Variants in AUH observed in about 807,000 individuals in gnomAD.
AUH encodes AU RNA binding methylglutaconyl-CoA hydratase.
Under a neutral mutation model 42.3 loss-of-function variants are expected in AUH, and 29 were observed. That is an observed-to-expected ratio of 0.69 (90% CI 0.51 to 0.93). AUH has a LOEUF of 0.93. Among genes scored for constraint, AUH ranks in the 40% least tolerant of loss-of-function variants. The probability of loss-of-function intolerance (pLI) is 0.00; values close to 1 mark genes in which losing one functional copy is unlikely to be tolerated. For missense variants in AUH, 452 were observed against 438.1 expected (o/e 1.03, Z -0.28); for synonymous variants, 174 against 166.4 (o/e 1.05, Z -0.35).
chr9:91,306,338 T>G (rs1828218144), intron 4 of AUH: 2 of 984,616 alleles, frequency 2.0e-6, no homozygotes, highest in South Asian at 9.4e-5. Context: ...CTAGTAGAAC[T>G]GAGTGATGAC....
intron 3 of AUH, among the ~76,000 whole-genome samples, chr9:91,340,028 T>C (rs1830988713): frequency 6.6e-6 from 1 of 152,190 alleles, no homozygotes; most frequent in African/African-American, 2.4e-5. Context: ...CCCTAATGCT[T>C]AGGCTGAACA....
At chr9:91,238,328 G>C (rs954401921) in intron 6 of AUH, among the ~76,000 whole-genome samples, 20 of 152,334 alleles carry the variant, frequency 1.3e-4, no homozygotes, top group African/African-American at 4.6e-4. Context: ...GAAGGGAAAA[G>C]GGGGAATGGG....
chr9:91,296,933 C>A (rs1391561537), intron 5 of AUH, among the ~76,000 whole-genome samples: 1 of 152,214 alleles, frequency 6.6e-6, no homozygotes, highest in Admixed American at 6.5e-5. Context: ...TCAATCAATC[C>A]TTCTGCCTTG....
chr9:91,302,067 T>C (rs974497414), intron 4 of AUH, among the ~76,000 whole-genome samples: 4 of 152,162 alleles, frequency 2.6e-5, no homozygotes, highest in Admixed American at 6.6e-5. Context: ...ATGTCTGTCG[T>C]AGTAAATTTT....
At chr9:91,264,311 C>A (rs1264520275) in intron 6 of AUH, among the ~76,000 whole-genome samples, 1 of 152,170 alleles carries the variant, frequency 6.6e-6, no homozygotes, top group Non-Finnish European at 1.5e-5. Context: ...GCCTGACCTT[C>A]CCCTACAAAC....
At chr9:91,259,861 G>T (rs534102843) in intron 6 of AUH, among the ~76,000 whole-genome samples, 1 of 151,934 alleles carries the variant, frequency 6.6e-6, no homozygotes, top group Admixed American at 6.6e-5. Flanking sequence ...AATATTCCAC[G>T]TGCATTTTGA....
intron 6 of AUH, among the ~76,000 whole-genome samples, chr9:91,228,475 T>C (rs1191547836): frequency 2.0e-5 from 3 of 149,086 alleles, no homozygotes; most frequent in East Asian, 1.9e-4. Context: ...TAGCGGTCTA[T>C]CAATTTTGTT....
intron 8 of AUH, among the ~76,000 whole-genome samples, chr9:91,216,731 C>CAGTAAAAGT (rs1826841165): frequency 6.6e-6 from 1 of 152,154 alleles, no homozygotes; most frequent in African/African-American, 2.4e-5. Context: ...CATGAAAAGT[C>CAGTAAAAGT]CAATAAATGG....
chr9:91,281,859 C>A (rs1170991191), intron 6 of AUH, among the ~76,000 whole-genome samples: 1 of 152,140 alleles, frequency 6.6e-6, no homozygotes, highest in East Asian at 1.9e-4. Flanking sequence ...CAGCAACAGG[C>A]TCGTGGCAGG....
chr9:91,239,791 T>A (rs1828401904), intron 6 of AUH, among the ~76,000 whole-genome samples: 1 of 152,094 alleles, frequency 6.6e-6, no homozygotes, highest in African/African-American at 2.4e-5. Context: ...GAGGGCTATG[T>A]AAGGAGAAAA....
chr9:91,350,753 C>T (rs1831902342), intron 3 of AUH, among the ~76,000 whole-genome samples: 1 of 138,208 alleles, frequency 7.2e-6, no homozygotes. Context: ...AACATGATTT[C>T]ATCTCAAAAA....
At chr9:91,226,134 C>G (rs1218297685) in intron 6 of AUH, among the ~76,000 whole-genome samples, 1 of 149,872 alleles carries the variant, frequency 6.7e-6, no homozygotes, top group East Asian at 2.0e-4. Flanking sequence ...ACACTGACTT[C>G]CACAATGGTT....
intron 6 of AUH, among the ~76,000 whole-genome samples, chr9:91,252,693 C>T (rs796787459): frequency 5.3e-5 from 8 of 152,230 alleles, no homozygotes; most frequent in African/African-American, 1.9e-4. Flanking sequence ...ACTTGAAGTG[C>T]AACACTACTA....
At chr9:91,355,417 C>T (rs1274793675) in intron 3 of AUH, among the ~76,000 whole-genome samples, 5 of 151,938 alleles carry the variant, frequency 3.3e-5, no homozygotes, top group African/African-American at 1.2e-4. Context: ...ATTAGCTAGG[C>T]GAGGTGGCAG....
At chr9:91,333,223 T>TA (rs1830456697) in intron 3 of AUH, among the ~76,000 whole-genome samples, 1 of 152,192 alleles carries the variant, frequency 6.6e-6, no homozygotes. Flanking sequence ...TTTCTCAATA[T>TA]AAAAAATGTT....
chr9:91,275,390 A>G (rs56222462), intron 6 of AUH, among the ~76,000 whole-genome samples: 6,311 of 152,290 alleles, frequency 0.041, 404 homozygotes, highest in African/African-American at 0.14. Flanking sequence ...CTCATTTTAA[A>G]TATTAGGCAT....
chr9:91,232,939 C>T (rs919218191), intron 6 of AUH, among the ~76,000 whole-genome samples: 6 of 152,208 alleles, frequency 3.9e-5, no homozygotes, highest in African/African-American at 1.4e-4. Flanking sequence ...CAATCATCAC[C>T]TCACATGCTG....
Position 91,361,847 on chromosome 9 carries a change from G to A in AUH, c.43C>T (p.Leu15=). Reference sequence around the variant, plus strand: ...ACCAGGCGGGCGCCGCCAGCATGCAGGGATCCCAAGGCCCCAGGTGCCGCC... The same window carrying A: ...ACCAGGCGGGCGCCGCCAGCATGCAAGGATCCCAAGGCCCCAGGTGCCGCC... The part of the protein sequence containing the change: ...VAAAPGALGS[L]HAGGARLVAA... The change falls in exon 1 of 10, where the codon CTG becomes TTG. Residue 15 remains leucine (L), a synonymous_variant. Coordinates refer to ENST00000375731, the MANE Select transcript of AUH (RefSeq NM_001698.3). 6.7e-7 allele frequency: 1 copy of A among 1,492,032 alleles called. No individual in the cohort carries two copies. The highest frequency in any genetic ancestry group is 8.9e-7 in the Non-Finnish European group (1 of 1,127,096). The allele number at this position is 1,492,032 out of a possible 1,614,324, so 92.4% of individuals were successfully genotyped here.
intron 6 of AUH, among the ~76,000 whole-genome samples, chr9:91,240,646 G>A (rs1264438946): frequency 6.6e-6 from 1 of 151,874 alleles, no homozygotes; most frequent in Admixed American, 6.6e-5. Context: ...GACTAGTATG[G>A]CTCAAGTTTT....
Sources: allele counts gnomAD v4.1 joint callset (sites outside exome capture counted in the v4.1 genomes callset), GRCh38; gene constraint gnomAD v4.1.1; transcripts MANE v1.5; gene names NCBI Gene and HGNC (gene_info 2026-07-23, HGNC 2026-07-21).